The following FGF13 variants were observed in gnomAD, a reference collection of about 807,000 sequenced individuals.
The protein encoded by FGF13 is fibroblast growth factor homologous factor 2.
FGF13 carries 2 observed loss-of-function variants against 19.5 expected under a neutral mutation model. The observed-to-expected ratio is 0.10, with a 90% CI of 0.04 to 0.32. FGF13 has a LOEUF of 0.32. Among genes scored for constraint, FGF13 ranks in the 10% least tolerant of loss-of-function variants. The pLI, the probability that FGF13 is intolerant of heterozygous loss-of-function variation, is 1.00. For missense variants in FGF13, 113 were observed against 192.7 expected, an observed-to-expected ratio of 0.59 and a Z score of 2.45; for synonymous variants, 72 against 76.9, an observed-to-expected ratio of 0.94 and a Z score of 0.33.
intron 1 of FGF13, among the ~76,000 whole-genome samples, chrX:138,733,793 A>G (rs1162800311): frequency 1.8e-5 from 2 of 110,578 alleles, no homozygotes; most frequent in Non-Finnish European, 3.8e-5. Context: ...GTTATTTAAG[A>G]CTACTTTATT....
At chrX:138,770,107 T>C (rs2090533838) in intron 3 of FGF13, among the ~76,000 whole-genome samples, 1 of 112,242 alleles carries the variant, frequency 8.9e-6, no homozygotes, top group Non-Finnish European at 1.9e-5. Context: ...CATTGTTCTA[T>C]CAAAGGCTCT....
At chrX:138,855,962 CTGTGTGTGTGTG>C (rs35763167), downstream of FGF13, among the ~76,000 whole-genome samples, 3 of 101,313 alleles carry the variant, frequency 3.0e-5, no homozygotes, top group Admixed American at 2.2e-4. Flanking sequence ...AGTACAAAAA[CTGTGTGTGTGTG>C]TGTGTGTGTG....
At chrX:139,150,281 T>C (rs1420011048) in intron 1 of FGF13, among the ~76,000 whole-genome samples, 1 of 112,057 alleles carries the variant, frequency 8.9e-6, no homozygotes, top group Non-Finnish European at 1.9e-5. Context: ...CAAGAACTGA[T>C]ACTTATTAGG....
chrX:138,632,979 C>A lies in FGF13; in HGVS notation c.609G>T (p.Met203Ile). 8.3e-7 allele frequency: 1 copy of A among 1,207,229 alleles called. No homozygotes were observed. The highest frequency in any genetic ancestry group is 1.1e-6 in the Non-Finnish European group (1 of 892,759). ...GATCGTGCAGTGATGGCTCCTTGTA[C>A]ATGGCCACTGAAAAGCACACAAAGA... ...HFLPKPLKVA[M>I]YKEPSLHDLT... is the part of the protein sequence containing the mutation. Residue 203 changes from methionine (M) to isoleucine (I), a missense_variant, in exon 5 of 5, where the codon ATG becomes ATT. By Grantham distance (10) the Met-to-Ile change is conservative (BLOSUM62 1). This residue lies in a region of FGF13 where 43 missense variants were observed against 41.4 expected (regional missense o/e 1.04). Transcript: ENST00000315930.
At chrX:139,084,418 C>T (rs1462282494) in intron 1 of FGF13, among the ~76,000 whole-genome samples, 1 of 111,646 alleles carries the variant, frequency 9.0e-6, no homozygotes, top group East Asian at 2.8e-4. Context: ...CTGGTTTCCC[C>T]ACTAGTCAAT....
At position 138,975,639 on chromosome X, in the gene FGF13, T is replaced by C. The variant is rs758549283; in HGVS notation, c.-112-110989A>G. Among the ~76,000 whole-genome samples the C allele has an allele frequency of 1.8e-4, 20 of 111,756 alleles. 1 individual carries two copies. Among genetic ancestry groups the C allele is most frequent in the African/African-American group, 6.5e-4 (20 of 30,749 alleles). ...CAATTAGAAGAATGGGTAGTTCTTT[T>C]GTCACAGATCCAGAGGAAAGAAAGG... On this transcript the variant is annotated intron_variant, in intron 1 of 2. Transcript: ENST00000421460.
chrX:138,972,920 T>C (rs1603085934), intron 1 of FGF13, among the ~76,000 whole-genome samples: 2 of 105,429 alleles, frequency 1.9e-5, no homozygotes, highest in African/African-American at 3.4e-5. Context: ...ATTTTTTTTT[T>C]CTAGGTAGAA....
At chrX:138,871,369 T>TG (rs373553578) in intron 1 of FGF13, among the ~76,000 whole-genome samples, 86 of 110,505 alleles carry the variant, frequency 7.8e-4, no homozygotes, top group Non-Finnish European at 1.0e-3. Context: ...ATATAGAAGA[T>TG]GGGGGGGGAA....
downstream of FGF13, among the ~76,000 whole-genome samples, chrX:138,856,602 CT>C (rs1452805727): frequency 8.9e-6 from 1 of 112,059 alleles, no homozygotes; most frequent in Non-Finnish European, 1.9e-5. Context: ...AATTTTGTCA[CT>C]TCCAAATGTT....
chrX:139,129,275 C>T (rs1387329952), intron 1 of FGF13, among the ~76,000 whole-genome samples: 9 of 108,877 alleles, frequency 8.3e-5, no homozygotes, highest in Non-Finnish European at 1.1e-4. Context: ...ATGATATATT[C>T]ATCACATATT....
chrX:139,200,289 A>G (rs2084405425), intron 1 of FGF13, among the ~76,000 whole-genome samples: 1 of 112,290 alleles, frequency 8.9e-6, no homozygotes, highest in African/African-American at 3.2e-5. Flanking sequence ...GATGAAACCT[A>G]TTATAGTAAA....
intron 1 of FGF13, among the ~76,000 whole-genome samples, chrX:138,724,902 G>T (rs2090173720): frequency 8.9e-6 from 1 of 112,050 alleles, no homozygotes; most frequent in African/African-American, 3.2e-5. Flanking sequence ...AGTTTTGACA[G>T]ATGTACCATA....
At chrX:138,864,794 G>T (rs181226532) in intron 1 of FGF13, 53 of 112,576 alleles carry the variant, frequency 4.7e-4, no homozygotes, top group African/African-American at 1.6e-3. Context: ...GAAAGATATG[G>T]TAAGACTAGA....
At chrX:138,715,096 A>G (rs1264111501), upstream of FGF13, among the ~76,000 whole-genome samples, 1 of 111,871 alleles carries the variant, frequency 8.9e-6, no homozygotes, top group African/African-American at 3.3e-5. Context: ...ATTCTAAGGT[A>G]GGGTCTATTC....
intron 3 of FGF13, among the ~76,000 whole-genome samples, chrX:138,847,651 C>A (rs1470154643): frequency 9.0e-6 from 1 of 111,515 alleles, no homozygotes; most frequent in Non-Finnish European, 1.9e-5. Context: ...TTCTTAAGCA[C>A]ACTAAAAAAT....
chrX:138,722,665 A>G (rs1027231047), intron 1 of FGF13, among the ~76,000 whole-genome samples: 1 of 111,345 alleles, frequency 9.0e-6, no homozygotes, highest in African/African-American at 3.3e-5. Flanking sequence ...CACAGCTATC[A>G]TTTTCTTAAG....
intron 3 of FGF13, among the ~76,000 whole-genome samples, chrX:138,806,175 A>AT (rs1255541762): frequency 3.6e-5 from 4 of 111,745 alleles, no homozygotes; most frequent in African/African-American, 9.8e-5. Flanking sequence ...TAAAATTCAT[A>AT]TTTTTTCTGC....
intron 3 of FGF13, among the ~76,000 whole-genome samples, chrX:138,851,953 G>A (rs2124129417): frequency 9.0e-6 from 1 of 111,047 alleles, no homozygotes; most frequent in South Asian, 3.8e-4. Flanking sequence ...AATCATGAAT[G>A]AACTCCCATT....
At chrX:138,639,239 A>G (rs758193785) in intron 3 of FGF13, among the ~76,000 whole-genome samples, 1 of 112,098 alleles carries the variant, frequency 8.9e-6, no homozygotes, top group Admixed American at 9.5e-5. Context: ...CCCTGTTCAG[A>G]GGAGACTAAG....
Sources: allele counts gnomAD v4.1 joint callset (sites outside exome capture counted in the v4.1 genomes callset), GRCh38; gene constraint gnomAD v4.1.1; regional missense constraint gnomAD v4.1.1; transcripts MANE v1.5; gene names NCBI Gene and HGNC (gene_info 2026-07-23, HGNC 2026-07-21).